Variants in ZNF718 observed in about 807,000 individuals in gnomAD.
ZNF718 encodes the protein zinc finger protein 718.
In ZNF718, 3 loss-of-function variants were observed where a neutral mutation model predicts 2.6. That is an observed-to-expected ratio of 1.16 (90% CI 0.53 to 3.01). The LOEUF (loss-of-function observed/expected upper bound fraction) is 3.01, where lower values mean the gene tolerates loss of function less well. Among genes scored for constraint, ZNF718 ranks in the 30% most tolerant of loss-of-function variants. ZNF718 has a pLI of 0.03. For synonymous variants in ZNF718, 135 were observed against 77.9 expected (o/e 1.73, Z -3.86); for missense variants, 468 against 230.0 (o/e 2.03, Z -6.69).
chr4:142,078 TG>T (rs782260887), intron 3 of ZNF718: 1 of 519,944 alleles, frequency 1.9e-6, no homozygotes, highest in Non-Finnish European at 3.8e-6. Flanking sequence ...GTCAGGACTT[TG>T]GGCTTTAGGT....
At position 130,929 on chromosome 4, in the gene ZNF718, A is replaced by C; in HGVS notation, c.130+15A>C. On this transcript the variant is annotated intron_variant, in intron 2 of 3. Transcript: ENST00000510175. The stretch of plus-strand genomic sequence containing the variant: ...GGTCTCCCTGGGTAAGGATAACTTT[A>C]ATATGTAATTCCTAATACTTTTTCA... 2 of 328,854 alleles carry C rather than the reference A, an allele frequency of 6.1e-6. 1 individual carries two copies. The highest frequency in any genetic ancestry group is 1.9e-4 in the East Asian group (2 of 10,692). The allele number at this position is 328,854 out of a possible 1,614,324, so 20.4% of individuals were successfully genotyped here. A position where few individuals can be genotyped will look rare whatever the true frequency, so the allele number is the denominator to read the frequency against.
In ZNF718 at chr4:134,423, C is replaced by T. The variant is rs561591049; in HGVS notation, c.226+2918C>T. Reference sequence around the variant, plus strand: ...CTCCCAAAGTGCTGGGGATTACAGGCGTGAGCCACCGTGCCCAGCCAATCA... The same window carrying T: ...CTCCCAAAGTGCTGGGGATTACAGGTGTGAGCCACCGTGCCCAGCCAATCA... On this transcript the variant is annotated intron_variant, in intron 3 of 3. Transcript: ENST00000510175. 7.2e-5 allele frequency among the ~76,000 whole-genome samples: 11 copies of T among 152,260 alleles called. 1 individual carries two copies. The highest frequency in any genetic ancestry group is 3.9e-4 in the Admixed American group (6 of 15,292).
At chr4:148,107 C>A (rs886817448) in intron 3 of ZNF718, among the ~76,000 whole-genome samples, 7 of 152,140 alleles carry the variant, frequency 4.6e-5, no homozygotes, top group Admixed American at 3.9e-4. Flanking sequence ...GGCATTTATG[C>A]CTTCAGATTT....
At chr4:197,785 G>A (rs1717821958) in intron 3 of ZNF718, among the ~76,000 whole-genome samples, 1 of 152,226 alleles carries the variant, frequency 6.6e-6, no homozygotes, top group African/African-American at 2.4e-5. Flanking sequence ...TGAGTAATAT[G>A]TTGTGTTTCA....
At chr4:168,709 C>T (rs1200927762), downstream of ZNF718, among the ~76,000 whole-genome samples, 6 of 151,988 alleles carry the variant, frequency 3.9e-5, no homozygotes, top group South Asian at 4.2e-4. Flanking sequence ...TCCCCTTTAT[C>T]ATTTTTTATT....
chr4:196,560 A>G (rs1259920679), intron 3 of ZNF718, among the ~76,000 whole-genome samples: 1 of 152,170 alleles, frequency 6.6e-6, no homozygotes. Context: ...AGGACCCAGG[A>G]GGTATGGGTC....
intron 3 of ZNF718, among the ~76,000 whole-genome samples, chr4:142,870 GT>G (rs1285406124): frequency 6.6e-6 from 1 of 152,120 alleles, no homozygotes; most frequent in African/African-American, 2.4e-5. Context: ...ATTTTACGAG[GT>G]TTGGTTTATG....
chr4:166,513 T>C (rs1279704812), downstream of ZNF718, among the ~76,000 whole-genome samples: 2 of 152,212 alleles, frequency 1.3e-5, no homozygotes, highest in African/African-American at 4.8e-5. Context: ...CAGCACCTGT[T>C]GTTTTCTGAC....
downstream of ZNF718, among the ~76,000 whole-genome samples, chr4:165,337 T>G (rs1717062547): frequency 6.6e-6 from 1 of 152,212 alleles, no homozygotes; most frequent in Non-Finnish European, 1.5e-5. Flanking sequence ...GCAGTCAGCA[T>G]TGTTTTTCTC....
chr4:158,491 ACTT>A (rs1483749006), intron 3 of ZNF718, among the ~76,000 whole-genome samples: 2 of 34,854 alleles, frequency 5.7e-5, no homozygotes, highest in African/African-American at 1.8e-4. Context: ...ATAGGCCCTT[ACTT>A]CTTGTTTTTT....
At chr4:151,741 A>G (rs1026019879) in intron 3 of ZNF718, among the ~76,000 whole-genome samples, 7 of 152,044 alleles carry the variant, frequency 4.6e-5, no homozygotes, top group Non-Finnish European at 5.9e-5. Flanking sequence ...CAACCAACCA[A>G]TGTAGGGGTG....
chr4:140,013 A>AGG (rs1252931149), intron 3 of ZNF718, among the ~76,000 whole-genome samples: 1 of 151,884 alleles, frequency 6.6e-6, no homozygotes, highest in Non-Finnish European at 1.5e-5. Context: ...AGAAGGGGGA[A>AGG]TGACTTTTTT....
intron 3 of ZNF718, among the ~76,000 whole-genome samples, chr4:146,594 A>G (rs551993967): frequency 2.8e-4 from 43 of 152,220 alleles, no homozygotes; most frequent in African/African-American, 9.6e-4. Context: ...AAGATTGGGA[A>G]AATTTTAACA....
intron 3 of ZNF718, among the ~76,000 whole-genome samples, chr4:190,061 A>G (rs1419187682): frequency 6.6e-6 from 1 of 152,164 alleles, no homozygotes; most frequent in East Asian, 1.9e-4. Context: ...TTTGGTCCAC[A>G]GTCTTCTTTA....
chr4:161,496 A>C lies in ZNF718; in HGVS notation c.811A>C (p.Asn271His). The C allele has an allele frequency of 1.3e-6, 1 of 780,784 alleles. No homozygotes were observed. Among genetic ancestry groups the C allele is most frequent in the Non-Finnish European group, 2.4e-6 (1 of 417,920 alleles). 48.4% of individuals were successfully genotyped at this position (780,784 alleles called of 1,614,324 possible). ...GKAFNQSSTL[N>H]LHKRIHSAQK... Reference sequence around the variant, plus strand: ...AGCTTTTAACCAATCCTCAACCCTTAATTTACATAAGAGAATTCATTCTGC... The same window carrying C: ...AGCTTTTAACCAATCCTCAACCCTTCATTTACATAAGAGAATTCATTCTGC... The change falls in exon 4 of 4, where the codon AAT becomes CAT. Residue 271 changes from asparagine (N) to histidine (H), a missense_variant. Physicochemically the swap from Asn to His is moderately conservative, Grantham distance 68. Transcript: ENST00000510175.
Position 162,972 on chromosome 4 carries a change from A to G in ZNF718, c.*850A>G, listed in dbSNP as rs1053145292. ...ATTCCAAAGCTGAAACTGTTAGATA[A>G]TTTCTTTCTATATAAGTTGAAAAGG... On this transcript the variant is annotated 3_prime_UTR_variant, in exon 4 of 4. Transcript: ENST00000510175. 1 of 152,170 alleles carries G rather than the reference A, an allele frequency of 6.6e-6. No individual in the cohort carries two copies. The highest frequency in any genetic ancestry group is 1.5e-5 in the Non-Finnish European group (1 of 68,036). 9.4% of individuals were successfully genotyped at this position (152,170 alleles called of 1,614,324 possible).
chr4:150,858 GAACT>G (rs1716285599), intron 3 of ZNF718, among the ~76,000 whole-genome samples: 1 of 151,858 alleles, frequency 6.6e-6, no homozygotes, highest in Admixed American at 6.6e-5. Flanking sequence ...TTAAAAAATA[GAACT>G]AACATATGAC....
At chr4:177,062 C>G (rs1406395766) in intron 3 of ZNF718, among the ~76,000 whole-genome samples, 1 of 152,174 alleles carries the variant, frequency 6.6e-6, no homozygotes, top group East Asian at 1.9e-4. Flanking sequence ...CTGGGTGATG[C>G]TTCTCTGCTG....
intron 3 of ZNF718, among the ~76,000 whole-genome samples, chr4:134,860 T>C (rs1449575777): frequency 2.0e-5 from 3 of 152,156 alleles, no homozygotes; most frequent in African/African-American, 7.2e-5. Flanking sequence ...CCAAGGCTGA[T>C]AGATCACTTG....
Sources: allele counts gnomAD v4.1 joint callset (sites outside exome capture counted in the v4.1 genomes callset), GRCh38; gene constraint gnomAD v4.1.1; transcripts MANE v1.5; gene names NCBI Gene and HGNC (gene_info 2026-07-23, HGNC 2026-07-21).